The following ATP8A1 variants were observed in gnomAD, a reference collection of about 807,000 sequenced individuals.
The protein encoded by ATP8A1 is ATPase phospholipid transporting 8A1.
In ATP8A1, 90 loss-of-function variants were observed where a neutral mutation model predicts 177.7. The observed-to-expected ratio is 0.51, with a 90% confidence interval of 0.43 to 0.60. ATP8A1 has a LOEUF of 0.60. ATP8A1 is among the 20% of genes least tolerant of loss of function. The probability of loss-of-function intolerance (pLI) is 0.00; values close to 1 mark genes in which losing one functional copy is unlikely to be tolerated. For missense variants in ATP8A1, 1,072 were observed against 1,392.8 expected (o/e 0.77, Z 3.67); for synonymous variants, 493 against 485.9 (o/e 1.01, Z -0.19).
intron 4 of ATP8A1, 79 bp downstream of exon 4, chr4:42,624,457 T>C (rs1334870494): frequency 2.6e-6 from 2 of 762,252 alleles, no homozygotes; most frequent in African/African-American, 1.9e-5. Context: ...AAGAATTAAA[T>C]AATTTAAGAA....
At chr4:42,417,681 G>C (rs1713401493) in intron 35 of ATP8A1, among the ~76,000 whole-genome samples, 1 of 152,232 alleles carries the variant, frequency 6.6e-6, no homozygotes, top group African/African-American at 2.4e-5. Context: ...TGGGAAACTT[G>C]AAGAGGAATA....
chr4:42,552,590 A>C lies in ATP8A1; in HGVS notation c.1434T>G (p.Cys478Trp). 1 of 1,613,636 alleles carries C rather than the reference A, an allele frequency of 6.2e-7. No individual in the cohort carries two copies. Among genetic ancestry groups the C allele is most frequent in the Non-Finnish European group, 8.5e-7 (1 of 1,179,856 alleles). ...AGACTGCCATCATTGTAAGAAATTC[A>C]CATATTATAGGTGCAGTTGGCTGTG... ...QNNHPTAPII[C>W]EFLTMMAVCH... The change falls in exon 17 of 37, where the codon TGT becomes TGG. Residue 478 changes from cysteine to tryptophan, a missense_variant. Physicochemically the swap from Cys to Trp is radical, Grantham distance 215. Transcript: ENST00000381668.
At chr4:42,463,242 T>C (rs998122968) in intron 27 of ATP8A1, among the ~76,000 whole-genome samples, 1 of 152,172 alleles carries the variant, frequency 6.6e-6, no homozygotes, top group Admixed American at 6.5e-5. Context: ...AAATCTCATC[T>C]TGAATTCCCA....
chr4:42,422,312 G>A (rs1230711651), intron 35 of ATP8A1, among the ~76,000 whole-genome samples: 2 of 151,978 alleles, frequency 1.3e-5, no homozygotes, highest in East Asian at 1.9e-4. Context: ...GGCTGGTCTC[G>A]AACTCCTGAC....
intron 1 of ATP8A1, among the ~76,000 whole-genome samples, chr4:42,650,522 AT>A (rs1184173557): frequency 1.3e-5 from 2 of 152,092 alleles, no homozygotes; most frequent in Non-Finnish European, 2.9e-5. Context: ...GCGTCCTAAA[AT>A]TTTTCCTTTA....
At chr4:42,620,573 G>C (rs1312020238) in intron 4 of ATP8A1, among the ~76,000 whole-genome samples, 5 of 152,208 alleles carry the variant, frequency 3.3e-5, no homozygotes, top group Non-Finnish European at 7.3e-5. Context: ...GACAGGGAAG[G>C]CAGTTTTGAG....
chr4:42,615,352 T>A (rs1736794493), intron 5 of ATP8A1, among the ~76,000 whole-genome samples: 2 of 152,064 alleles, frequency 1.3e-5, no homozygotes, highest in South Asian at 4.1e-4. Flanking sequence ...ACATCACTTA[T>A]CCTCACCACA....
chr4:42,464,167 CATT>C (rs1331270314), intron 27 of ATP8A1, among the ~76,000 whole-genome samples: 1 of 151,782 alleles, frequency 6.6e-6, no homozygotes, highest in African/African-American at 2.4e-5. Context: ...ACATTAAATA[CATT>C]ATTATCTCAT....
chr4:42,541,572 C>A (rs758650981), intron 20 of ATP8A1, among the ~76,000 whole-genome samples: 1 of 152,122 alleles, frequency 6.6e-6, no homozygotes, highest in Non-Finnish European at 1.5e-5. Flanking sequence ...CATGCATATG[C>A]ATGTTTACAG....
At chr4:42,606,099 T>C (rs1376648868) in intron 5 of ATP8A1, among the ~76,000 whole-genome samples, 2 of 152,224 alleles carry the variant, frequency 1.3e-5, no homozygotes, top group Non-Finnish European at 2.9e-5. Context: ...ATAAATACTT[T>C]AATGAATAGC....
intron 23 of ATP8A1, among the ~76,000 whole-genome samples, chr4:42,505,575 T>G (rs926096364): frequency 4.6e-5 from 7 of 152,184 alleles, no homozygotes; most frequent in African/African-American, 1.4e-4. Flanking sequence ...CAATCAAAAT[T>G]AACAACTTGT....
chr4:42,631,761 G>A (rs1738760251), intron 1 of ATP8A1, among the ~76,000 whole-genome samples: 1 of 151,960 alleles, frequency 6.6e-6, no homozygotes, highest in African/African-American at 2.4e-5. Flanking sequence ...TCTTCCAATG[G>A]GATTACCAAA....
In ATP8A1 at chr4:42,555,139, AATCTATCTATCT is replaced by A. The variant is rs1553903247; in HGVS notation, c.1413+817_1413+828del. Among the ~76,000 whole-genome samples the A allele has an allele frequency of 1.0e-2, 593 of 59,466 alleles. 7 individuals carry two copies. Among genetic ancestry groups the A allele is most frequent in the Non-Finnish European group, 0.01 (297 of 28,496 alleles). The allele number at this position is 59,466 out of a possible 152,430, so 39.0% of individuals were successfully genotyped here. A position where few individuals can be genotyped will look rare whatever the true frequency, so the allele number is the denominator to read the frequency against. ...TATCTATCTATCTATCTATCTATCT[AATCTATCTATCT>A]ATCTATCTATCTATCTATCTATCTA... is the stretch of plus-strand genomic sequence containing the variant. On this transcript the variant is annotated intron_variant, in intron 16 of 36. Coordinates refer to ENST00000381668, the MANE Select transcript of ATP8A1 (RefSeq NM_006095.2).
At position 42,556,031 on chromosome 4, in the gene ATP8A1, T is replaced by C. The variant is rs146819304; in HGVS notation, c.1350A>G (p.Ser450=). 5 of 1,611,370 alleles carry C rather than the reference T, an allele frequency of 3.1e-6. No homozygotes were observed. In the African/African-American group the frequency reaches 5.3e-5, roughly 17 times the overall value. ...TAAATGTTTTTTCATCTCCAAACTG[T>C]GAGTTCTGCCTGAAGGGGGTAAAAA... ...YGCSPDEWQN[S]QFGDEKTFSD... Residue 450 remains serine, a synonymous_variant, in exon 16 of 37, where the codon TCA becomes TCG. Coordinates refer to ENST00000381668, the MANE Select transcript of ATP8A1 (RefSeq NM_006095.2).
chr4:42,429,912 C>T (rs553077192), intron 33 of ATP8A1, among the ~76,000 whole-genome samples: 38 of 152,126 alleles, frequency 2.5e-4, no homozygotes, highest in African/African-American at 8.2e-4. Context: ...GATGCAGTGC[C>T]TGGAATAGTC....
intron 27 of ATP8A1, among the ~76,000 whole-genome samples, chr4:42,456,684 C>T (rs1718525703): frequency 6.6e-6 from 1 of 152,104 alleles, no homozygotes; most frequent in African/African-American, 2.4e-5. Flanking sequence ...TGGGAGAGTA[C>T]AAAGGCTGGT....
At chr4:42,452,432 A>G (rs2153178312) in intron 29 of ATP8A1, among the ~76,000 whole-genome samples, 1 of 152,322 alleles carries the variant, frequency 6.6e-6, no homozygotes, top group South Asian at 2.1e-4. Flanking sequence ...TAATTTGGGG[A>G]AATCCCTTTA....
At chr4:42,519,868 C>A (rs967609342) in intron 22 of ATP8A1, among the ~76,000 whole-genome samples, 1 of 152,130 alleles carries the variant, frequency 6.6e-6, no homozygotes, top group Non-Finnish European at 1.5e-5. Flanking sequence ...AGGGAGGTTT[C>A]TGTCATCTGT....
intron 10 of ATP8A1, among the ~76,000 whole-genome samples, chr4:42,581,234 C>T (rs560074666): frequency 1.3e-5 from 2 of 151,932 alleles, no homozygotes; most frequent in East Asian, 1.9e-4. Context: ...CCTGGATTCA[C>T]GCCATTCTCC....
Sources: gnomAD v4.1 joint callset for allele counts (sites outside exome capture counted in the v4.1 genomes callset) on GRCh38, gnomAD v4.1.1 for gene constraint, MANE v1.5 for transcripts, NCBI Gene and HGNC (gene_info 2026-07-23, HGNC 2026-07-21) for gene names.